The following DAB1 variants were observed in gnomAD, a reference collection of about 807,000 sequenced individuals.
DAB1 encodes DAB adaptor protein 1.
A neutral mutation model predicts 64.6 loss-of-function variants in DAB1; 15 were observed. The ratio of observed to expected loss-of-function variants is 0.23; its 90% CI spans 0.16 to 0.36. DAB1 has a LOEUF of 0.36. Among genes scored for constraint, DAB1 ranks in the 10% least tolerant of loss-of-function variants. The pLI is 1.00. For synonymous variants in DAB1, 235 were observed against 251.9 expected, an observed-to-expected ratio of 0.93 and a Z score of 0.64; for missense variants, 596 against 706.7, an observed-to-expected ratio of 0.84 and a Z score of 1.78.
intron 4 of DAB1, among the ~76,000 whole-genome samples, chr1:57,117,673 C>T (rs72907186): frequency 0.01 from 1,587 of 152,260 alleles, 31 homozygotes; most frequent in African/African-American, 0.036. Flanking sequence ...GTAAAACCTG[C>T]CAAGACAATG....
At chr1:57,592,651 GA>G (rs554684178) in intron 7 of DAB1, among the ~76,000 whole-genome samples, 78 of 152,138 alleles carry the variant, frequency 5.1e-4, no homozygotes, top group African/African-American at 1.9e-3. Context: ...TGGGCTGCCA[GA>G]ATAAAATATT....
At chr1:57,815,143 C>G (rs955715471) in intron 6 of DAB1, among the ~76,000 whole-genome samples, 3 of 152,004 alleles carry the variant, frequency 2.0e-5, no homozygotes, top group African/African-American at 7.3e-5. Flanking sequence ...GTGATCTCAG[C>G]TCACTGCAAG....
chr1:57,663,174 C>T (rs1470474622), intron 6 of DAB1, among the ~76,000 whole-genome samples: 9 of 152,024 alleles, frequency 5.9e-5, no homozygotes, highest in Admixed American at 5.9e-4. Flanking sequence ...CTTATATGGC[C>T]AGAGAAGAAG....
At chr1:57,861,571 C>A (rs1281138618) in intron 1 of DAB1, among the ~76,000 whole-genome samples, 17 of 152,104 alleles carry the variant, frequency 1.1e-4, no homozygotes, top group Non-Finnish European at 1.5e-5. Flanking sequence ...GCATTCAAGG[C>A]CCTCCTTTTC....
intron 7 of DAB1, among the ~76,000 whole-genome samples, chr1:57,643,083 T>C (rs1264879360): frequency 2.0e-5 from 3 of 152,138 alleles, no homozygotes; most frequent in African/African-American, 7.2e-5. Flanking sequence ...GGGAGCAGAG[T>C]GAGGCTTGGT....
chr1:57,161,715 C>T (rs1390291375), intron 2 of DAB1, among the ~76,000 whole-genome samples: 1 of 151,942 alleles, frequency 6.6e-6, no homozygotes, highest in Non-Finnish European at 1.5e-5. Context: ...CAAGACTTAA[C>T]ATTTGGAAAG....
chr1:57,584,259 A>G lies in DAB1; in HGVS notation n.625+65333T>C, dbSNP rs1368944356. Among the ~76,000 whole-genome samples the G allele has an allele frequency of 3.3e-5, 5 of 152,156 alleles. No homozygotes were observed. In the East Asian group the frequency reaches 9.6e-4, roughly 29 times the overall value. On this transcript the variant is annotated intron_variant and non_coding_transcript_variant, in intron 7 of 20. Coordinates refer to the DAB1 transcript ENST00000485760. ...TTTTGTCTATAAATCTTCTTCTACC[A>G]TGTGGCTGTGCTGGAGTCTCTGTGA... is the stretch of plus-strand genomic sequence containing the variant.
intron 2 of DAB1, among the ~76,000 whole-genome samples, chr1:57,178,392 C>T (rs1375250618): frequency 1.3e-5 from 2 of 151,398 alleles, no homozygotes; most frequent in African/African-American, 2.4e-5. Context: ...ATAATGGTTA[C>T]TAAATCACAA....
At chr1:57,593,395 C>T (rs1645469322) in intron 7 of DAB1, among the ~76,000 whole-genome samples, 1 of 152,116 alleles carries the variant, frequency 6.6e-6, no homozygotes, top group South Asian at 2.1e-4. Context: ...TTTTCTTTAT[C>T]CATGCATCCA....
chr1:57,909,532 C>T (rs532641517), intron 5 of DAB1, among the ~76,000 whole-genome samples: 11 of 152,126 alleles, frequency 7.2e-5, no homozygotes, highest in African/African-American at 2.4e-5. Context: ...ATCAACTATA[C>T]GACTTTGTAT....
At chr1:57,409,299 T>C (rs992834027) in intron 1 of DAB1, among the ~76,000 whole-genome samples, 2 of 152,218 alleles carry the variant, frequency 1.3e-5, no homozygotes, top group Non-Finnish European at 2.9e-5. Context: ...TCCAACACCT[T>C]TGTAACTGCT....
chr1:58,090,737 C>T (rs2100610708), intron 5 of DAB1, among the ~76,000 whole-genome samples: 1 of 152,240 alleles, frequency 6.6e-6, no homozygotes, highest in Non-Finnish European at 1.5e-5. Context: ...TGGCTGGGCA[C>T]ACCAACAAAT....
chr1:58,049,256 C>T, intron 5 of DAB1: 1 of 749,076 alleles, frequency 1.3e-6, no homozygotes, highest in Non-Finnish European at 2.5e-6. Context: ...GCTTCCTAAG[C>T]TGTTCGGGCT....
chr1:58,376,595 C>A (rs567215346), intron 3 of DAB1, among the ~76,000 whole-genome samples: 2 of 147,468 alleles, frequency 1.4e-5, no homozygotes, highest in Non-Finnish European at 3.0e-5. Context: ...AGCTTTACTT[C>A]CAACTATGTG....
At chr1:57,918,653 T>C (rs1644766157) in intron 5 of DAB1, among the ~76,000 whole-genome samples, 1 of 151,770 alleles carries the variant, frequency 6.6e-6, no homozygotes, top group Non-Finnish European at 1.5e-5. Flanking sequence ...TGAAACCCCG[T>C]CTCTACTAAA....
chr1:57,069,722 C>T (rs1651273053), intron 7 of DAB1, among the ~76,000 whole-genome samples: 1 of 152,220 alleles, frequency 6.6e-6, no homozygotes, highest in Non-Finnish European at 1.5e-5. Context: ...CTCAGTAATA[C>T]CTGAATACAT....
At chr1:58,518,230 G>A (rs61781791) in intron 2 of DAB1, among the ~76,000 whole-genome samples, 2 of 6,666 alleles carry the variant, frequency 3.0e-4, no homozygotes, top group Admixed American at 2.1e-3. Flanking sequence ...AGAGGGGAGA[G>A]GGGAGAGGGG....
intron 4 of DAB1, among the ~76,000 whole-genome samples, chr1:58,222,102 G>A (rs536423644): frequency 7.9e-5 from 12 of 152,240 alleles, no homozygotes; most frequent in South Asian, 2.1e-4. Flanking sequence ...AGAGAGATGG[G>A]AATTTATCAT....
chr1:57,190,304 ATC>A (rs1320560878), intron 2 of DAB1, among the ~76,000 whole-genome samples: 1 of 152,218 alleles, frequency 6.6e-6, no homozygotes, highest in African/African-American at 2.4e-5. Flanking sequence ...AGAAGCCAGC[ATC>A]AGCTGTAACC....
Sources: allele counts gnomAD v4.1 joint callset (sites outside exome capture counted in the v4.1 genomes callset), GRCh38; gene constraint gnomAD v4.1.1; transcripts MANE v1.5; gene names NCBI Gene and HGNC (gene_info 2026-07-23, HGNC 2026-07-21).